Variants in TCAIM observed in about 807,000 individuals in gnomAD.
TCAIM encodes the protein T cell activation inhibitor, mitochondrial.
Under a neutral mutation model 58.6 loss-of-function variants are expected in TCAIM, and 36 were observed. The ratio of observed to expected loss-of-function variants is 0.61; its 90% CI spans 0.47 to 0.81. The LOEUF (loss-of-function observed/expected upper bound fraction) is 0.81, where lower values mean the gene tolerates loss of function less well. TCAIM is among the 30% of genes least tolerant of loss of function. The pLI, the probability that TCAIM is intolerant of heterozygous loss-of-function variation, is 0.00. For missense variants in TCAIM, 466 were observed against 579.6 expected (o/e 0.80, Z 2.01); for synonymous variants, 172 against 193.6 (o/e 0.89, Z 0.93).
rs1156301753 is a variant in TCAIM at position 44,396,763 on chromosome 3, G to A, written c.814G>A (p.Asp272Asn). Residue 272 changes from aspartate to asparagine, a missense_variant, in exon 8 of 11, where the codon GAC becomes AAC. Transcript: ENST00000342649. Reference sequence around the variant, plus strand: ...ATCAGGGTGTACAATCATATTTACAGACCGTTCTGGCATGAGTGCAGTGGG... The same window carrying A: ...ATCAGGGTGTACAATCATATTTACAAACCGTTCTGGCATGAGTGCAGTGGG... ...KAKGCTIIFT[D>N]RSGMSAVGHV... The A allele has an allele frequency of 6.2e-7, 1 of 1,614,106 alleles. No homozygotes were observed.
At chr3:44,388,566 A>G (rs1218729269) in intron 5 of TCAIM, among the ~76,000 whole-genome samples, 3 of 152,194 alleles carry the variant, frequency 2.0e-5, no homozygotes, top group Non-Finnish European at 4.4e-5. Context: ...CCAGGAAGTT[A>G]TGATTTTTTT....
chr3:44,397,421 C>T (rs73090458), intron 8 of TCAIM, among the ~76,000 whole-genome samples: 2 of 152,068 alleles, frequency 1.3e-5, no homozygotes, highest in Non-Finnish European at 2.9e-5. Context: ...GTTTCTTTCA[C>T]TGTCTCATTT....
Position 44,361,392 on chromosome 3 carries a change from TTAAG to T in TCAIM, c.195_198del (p.Val67ThrfsTer2), listed in dbSNP as rs770594255. 24 of 1,606,816 alleles carry T rather than the reference TTAAG, an allele frequency of 1.5e-5. 1 individual carries two copies. In the Admixed American group the frequency reaches 1.7e-4, roughly 12 times the overall value. On this transcript the variant is annotated frameshift_variant, in exon 4 of 11. Transcript: ENST00000342649. LOFTEE classifies it high-confidence loss of function. ...AATCAATGAAAATTCTCTTAAAAGG[TTAAG>T]TGTCTACCTAGAAAACCTCCAGAAA... is the stretch of plus-strand genomic sequence containing the variant.
rs1701852815 is a variant in TCAIM, at chr3:44,392,416, T to C, written c.573-439T>C. 2.0e-5 allele frequency among the ~76,000 whole-genome samples: 3 copies of C among 152,164 alleles called. No individual in the cohort carries two copies. In the South Asian group the frequency reaches 6.2e-4, roughly 32 times the overall value. ...TCATAGGGGTTTGTTGTACAGTTTATTCTGTTACCTAGGTACTAAGCCTAG... is the reference window on the plus strand; with the variant it reads ...TCATAGGGGTTTGTTGTACAGTTTACTCTGTTACCTAGGTACTAAGCCTAG... On this transcript the variant is annotated intron_variant, in intron 5 of 10. Coordinates refer to ENST00000342649, the MANE Select transcript of TCAIM (RefSeq NM_173826.4).
chr3:44,353,867 T>G (rs951828663), intron 1 of TCAIM, among the ~76,000 whole-genome samples: 3 of 152,184 alleles, frequency 2.0e-5, no homozygotes, highest in Admixed American at 6.5e-5. Context: ...TTTCTCCAGG[T>G]GTGTGGCTTT....
intron 1 of TCAIM, among the ~76,000 whole-genome samples, chr3:44,346,664 T>C (rs1326261109): frequency 6.6e-6 from 1 of 152,106 alleles, no homozygotes; most frequent in African/African-American, 2.4e-5. Flanking sequence ...GTTATGAGAA[T>C]TGTAGGGAGT....
At chr3:44,380,155 A>G (rs1701632572) in intron 5 of TCAIM, among the ~76,000 whole-genome samples, 1 of 152,174 alleles carries the variant, frequency 6.6e-6, no homozygotes, top group Non-Finnish European at 1.5e-5. Flanking sequence ...ATATGAAGAG[A>G]GGTTGATTAA....
In TCAIM at chr3:44,362,910, G is replaced by A. The variant is rs148571095; in HGVS notation, c.319+1392G>A. On this transcript the variant is annotated intron_variant, in intron 4 of 10. Coordinates refer to ENST00000342649, the MANE Select transcript of TCAIM (RefSeq NM_173826.4). ...GTTAGTCAGGGTCAAGATTAGGCTA[G>A]GAATTAAATAACATCTTACATATAT... 833 of 152,386 alleles carry A rather than the reference G, an allele frequency of 5.5e-3. 6 individuals carry two copies. The highest frequency in any genetic ancestry group is 0.019 in the African/African-American group (798 of 41,542). The allele number at this position is 152,386 out of a possible 1,614,324, so 9.4% of individuals were successfully genotyped here. A position where few individuals can be genotyped will look rare whatever the true frequency, so the allele number is the denominator to read the frequency against.
At chr3:44,377,687 G>A (rs1359846981) in intron 5 of TCAIM, among the ~76,000 whole-genome samples, 2 of 152,104 alleles carry the variant, frequency 1.3e-5, no homozygotes, top group Non-Finnish European at 2.9e-5. Flanking sequence ...TGACCAAAAT[G>A]GGATGAAGTT....
chr3:44,378,045 T>C (rs962337668), intron 5 of TCAIM, among the ~76,000 whole-genome samples: 9 of 152,096 alleles, frequency 5.9e-5, no homozygotes, highest in African/African-American at 2.2e-4. Flanking sequence ...TCAAACTATA[T>C]ATCTGACAAA....
intron 4 of TCAIM, among the ~76,000 whole-genome samples, chr3:44,367,073 C>T (rs1012067372): frequency 6.6e-6 from 1 of 152,110 alleles, no homozygotes; most frequent in Non-Finnish European, 1.5e-5. Flanking sequence ...TAGAAACTAT[C>T]TTTGGTGGAC....
At chr3:44,350,544 C>A (rs986926023) in intron 1 of TCAIM, among the ~76,000 whole-genome samples, 1 of 151,820 alleles carries the variant, frequency 6.6e-6, no homozygotes, top group African/African-American at 2.4e-5. Context: ...GCCATCCTTA[C>A]CTTAGCTTTC....
chr3:44,358,444 GA>G, intron 3 of TCAIM: 1 of 562,644 alleles, frequency 1.8e-6, no homozygotes, highest in Non-Finnish European at 3.1e-6. Flanking sequence ...ACCAACCTCA[GA>G]CTGAAAATAT....
At chr3:44,344,706 C>T (rs971518317) in intron 1 of TCAIM, among the ~76,000 whole-genome samples, 2 of 152,052 alleles carry the variant, frequency 1.3e-5, no homozygotes, top group African/African-American at 4.8e-5. Flanking sequence ...TTGGAGAGAG[C>T]AATGAAGCTT....
chr3:44,361,391 G>C lies in TCAIM; in HGVS notation c.192G>C (p.Arg64Ser). ...EREINENSLKRLSVYLENLQK... is the reference protein window; with the variant it reads ...EREINENSLKSLSVYLENLQK... ...AAATCAATGAAAATTCTCTTAAAAG[G>C]TTAAGTGTCTACCTAGAAAACCTCC... The change falls in exon 4 of 11, where the codon AGG becomes AGC. Residue 64 changes from arginine (R) to serine (S), a missense_variant. Transcript: ENST00000342649. 6.2e-7 allele frequency: 1 copy of C among 1,605,300 alleles called. No individual in the cohort carries two copies. The highest frequency in any genetic ancestry group is 8.5e-7 in the Non-Finnish European group (1 of 1,177,214).
intron 6 of TCAIM, among the ~76,000 whole-genome samples, chr3:44,394,922 ATATATATATATATATAT>A (rs1332211772): frequency 6.0e-4 from 7 of 11,642 alleles, no homozygotes; most frequent in African/African-American, 1.5e-3. Flanking sequence ...AAAAAAAAAA[ATATATATATATATATAT>A]ATATATATAT....
At chr3:44,366,656 C>T (rs1318704309) in intron 4 of TCAIM, among the ~76,000 whole-genome samples, 8 of 151,332 alleles carry the variant, frequency 5.3e-5, no homozygotes, top group South Asian at 2.1e-4. Flanking sequence ...TTAGTAGAGA[C>T]GGGGTTTCAC....
At chr3:44,403,299 G>C (rs1702050707) in intron 10 of TCAIM, among the ~76,000 whole-genome samples, 1 of 152,046 alleles carries the variant, frequency 6.6e-6, no homozygotes, top group Admixed American at 6.6e-5. Context: ...AGAAGGGATG[G>C]CAACTAACGA....
chr3:44,398,250 G>A (rs146004937), intron 8 of TCAIM, among the ~76,000 whole-genome samples: 2,707 of 151,836 alleles, frequency 0.018, 30 homozygotes, highest in Non-Finnish European at 0.024. Context: ...ACAGTAAAAC[G>A]CCGTCTCTAC....
Sources: gnomAD v4.1 joint callset for allele counts (sites outside exome capture counted in the v4.1 genomes callset) on GRCh38, gnomAD v4.1.1 for gene constraint, MANE v1.5 for transcripts, NCBI Gene and HGNC (gene_info 2026-07-23, HGNC 2026-07-21) for gene names.